Variants in ATP1B3 observed in about 807,000 individuals in gnomAD.
ATP1B3 encodes ATPase Na+/K+ transporting subunit beta 3, also known as sodium/potassium-transporting ATPase subunit beta-3.
ATP1B3 carries 10 observed loss-of-function variants against 30.2 expected under a neutral mutation model. The ratio of observed to expected loss-of-function variants is 0.33; its 90% CI spans 0.20 to 0.56. The LOEUF (loss-of-function observed/expected upper bound fraction) is 0.56. Among genes scored for constraint, ATP1B3 ranks in the 20% least tolerant of loss-of-function variants. The probability of loss-of-function intolerance (pLI) is 0.90; values close to 1 mark genes in which losing one functional copy is unlikely to be tolerated. For missense variants in ATP1B3, 238 were observed against 336.7 expected (o/e 0.71, Z 2.29); for synonymous variants, 113 against 117.0 (o/e 0.97, Z 0.22).
At chr3:141,887,931 G>A (rs1255242802) in intron 1 of ATP1B3, among the ~76,000 whole-genome samples, 1 of 152,204 alleles carries the variant, frequency 6.6e-6, no homozygotes, top group Non-Finnish European at 1.5e-5. Flanking sequence ...AGGAAGGGAC[G>A]TGACGGAACT....
rs773374971 is a variant in ATP1B3, at chr3:141,925,698, A to G, written c.837A>G (p.Ala279=). ...GRVMFKITAR[A] is the part of the protein sequence containing the mutation. ...TTATGTTCAAAATCACAGCACGTGC[A>G]TAGTATGAGTAGGATATCTCCACAG... The change falls in exon 7 of 7, where the codon GCA becomes GCG. Residue 279 remains alanine (A), a synonymous_variant. Transcript: ENST00000286371. 21 of 1,610,508 alleles carry G rather than the reference A, an allele frequency of 1.3e-5. No homozygotes were observed. The East Asian group carries it at 3.3e-4, about 26-fold the overall frequency.
At chr3:141,902,306 A>T in intron 1 of ATP1B3, 1 of 1,076,976 alleles carries the variant, frequency 9.3e-7, no homozygotes, top group Non-Finnish European at 1.3e-6. Flanking sequence ...TTACTTGAAA[A>T]AGGGGGTTGG....
chr3:141,879,897 T>A (rs569847413), intron 1 of ATP1B3, among the ~76,000 whole-genome samples: 17 of 151,466 alleles, frequency 1.1e-4, no homozygotes, highest in Admixed American at 2.6e-4. Flanking sequence ...TGACTTTTTT[T>A]AATCAAATTT....
intron 1 of ATP1B3, among the ~76,000 whole-genome samples, chr3:141,899,562 T>C (rs1934123942): frequency 6.6e-6 from 1 of 152,162 alleles, no homozygotes; most frequent in Non-Finnish European, 1.5e-5. Context: ...TTATGTGTGC[T>C]GGTGTTGCAT....
chr3:141,893,689 T>C (rs1255286192), intron 1 of ATP1B3, among the ~76,000 whole-genome samples: 2 of 152,208 alleles, frequency 1.3e-5, no homozygotes, highest in Non-Finnish European at 2.9e-5. Flanking sequence ...TATACACTCA[T>C]GTATATGTGT....
At chr3:141,916,659 A>ATT in intron 5 of ATP1B3, 1 of 983,936 alleles carries the variant, frequency 1.0e-6, no homozygotes, top group Non-Finnish European at 1.4e-6. Context: ...TGGCAGAAAT[A>ATT]TTTTACTTAG....
intron 5 of ATP1B3, among the ~76,000 whole-genome samples, chr3:141,917,401 A>G (rs1190524243): frequency 1.3e-5 from 2 of 152,070 alleles, no homozygotes; most frequent in African/African-American, 4.8e-5. Flanking sequence ...AACTTGTACA[A>G]AAAGCCAGAG....
chr3:141,924,742 G>T (rs927717222), intron 6 of ATP1B3, among the ~76,000 whole-genome samples: 1 of 152,046 alleles, frequency 6.6e-6, no homozygotes, highest in Admixed American at 6.5e-5. Flanking sequence ...AGATCACGAG[G>T]TCAGGAGATC....
At chr3:141,900,832 G>T (rs952621362) in intron 1 of ATP1B3, among the ~76,000 whole-genome samples, 2 of 152,084 alleles carry the variant, frequency 1.3e-5, no homozygotes, top group African/African-American at 4.8e-5. Flanking sequence ...ACCCAGGTCG[G>T]AGTGCAGTGG....
chr3:141,879,811 C>CTTT (rs150389395), intron 1 of ATP1B3, among the ~76,000 whole-genome samples: 1,652 of 57,878 alleles, frequency 0.029, 68 homozygotes, highest in African/African-American at 0.081. Context: ...TTGGTAACAG[C>CTTT]TTTTTTTTTT....
At chr3:141,898,224 A>C (rs1278159983) in intron 1 of ATP1B3, among the ~76,000 whole-genome samples, 1 of 152,234 alleles carries the variant, frequency 6.6e-6, no homozygotes, top group Non-Finnish European at 1.5e-5. Flanking sequence ...TGCCACCAAA[A>C]GCACAAGCAA....
chr3:141,882,653 G>A (rs1287482171), intron 1 of ATP1B3, among the ~76,000 whole-genome samples: 4 of 152,070 alleles, frequency 2.6e-5, no homozygotes, highest in East Asian at 1.9e-4. Flanking sequence ...GTGCGATATC[G>A]GCTCACCGCA....
In ATP1B3 at chr3:141,907,234, G is replaced by A. The variant is rs777316470; in HGVS notation, c.306G>A (p.Ser102=). ...EYTFSRSDPT[S]YAGYIEDLKK... ...CATTCAGTAGGTCTGATCCAACTTC[G>A]TATGCAGGGTACATTGAAGACCTTA... The change falls in exon 3 of 7, where the codon TCG becomes TCA. Residue 102 remains serine (S), a synonymous_variant. Transcript: ENST00000286371. 6.4e-5 allele frequency: 104 copies of A among 1,612,416 alleles called. No homozygotes were observed. Among genetic ancestry groups the A allele is most frequent in the Non-Finnish European group, 8.2e-5 (97 of 1,179,408 alleles).
At chr3:141,902,004 A>G in intron 1 of ATP1B3, 2 of 573,570 alleles carry the variant, frequency 3.5e-6, no homozygotes, top group South Asian at 3.3e-5. Flanking sequence ...TCGTTCCTGC[A>G]GACACCTAGA....
chr3:141,882,460 G>A (rs1933745926), intron 1 of ATP1B3, among the ~76,000 whole-genome samples: 1 of 152,122 alleles, frequency 6.6e-6, no homozygotes, highest in Non-Finnish European at 1.5e-5. Context: ...TGTGCTGGAG[G>A]TGTCCTTGGG....
intron 1 of ATP1B3, among the ~76,000 whole-genome samples, chr3:141,883,791 A>G (rs1020771163): frequency 1.3e-5 from 2 of 152,188 alleles, no homozygotes; most frequent in Non-Finnish European, 2.9e-5. Context: ...GTGTACCCAT[A>G]GTATAATTGT....
At chr3:141,896,460 G>T (rs901054232) in intron 1 of ATP1B3, among the ~76,000 whole-genome samples, 1 of 152,200 alleles carries the variant, frequency 6.6e-6, no homozygotes, top group Non-Finnish European at 1.5e-5. Flanking sequence ...GTTTGAGGCT[G>T]CAGGGAGCTA....
At chr3:141,882,876 G>A (rs7624456) in intron 1 of ATP1B3, among the ~76,000 whole-genome samples, 36,389 of 152,048 alleles carry the variant, frequency 0.24, 4,551 homozygotes, top group African/African-American at 0.29. Context: ...GTGAGCCACC[G>A]CGCCCGGCCT....
At chr3:141,905,409 A>C (rs1208333668) in intron 2 of ATP1B3, among the ~76,000 whole-genome samples, 1 of 152,210 alleles carries the variant, frequency 6.6e-6, no homozygotes. Flanking sequence ...GGCAACCCCC[A>C]CAACAAAGAA....
Sources: allele counts gnomAD v4.1 joint callset (sites outside exome capture counted in the v4.1 genomes callset), GRCh38; gene constraint gnomAD v4.1.1; transcripts MANE v1.5; gene names NCBI Gene and HGNC (gene_info 2026-07-23, HGNC 2026-07-21).